Variants in CAMK4 observed in about 807,000 individuals in gnomAD.
The protein encoded by CAMK4 is calcium/calmodulin-dependent protein kinase type IV.
Under a neutral mutation model 44.9 loss-of-function variants are expected in CAMK4, and 22 were observed. The ratio of observed to expected loss-of-function variants is 0.49; its 90% CI spans 0.35 to 0.70. CAMK4 has a LOEUF of 0.70. Among genes scored for constraint, CAMK4 ranks in the 30% least tolerant of loss-of-function variants. The pLI is 0.01. For missense variants in CAMK4, 498 were observed against 586.8 expected, an observed-to-expected ratio of 0.85 and a Z score of 1.56; for synonymous variants, 218 against 215.4, an observed-to-expected ratio of 1.01 and a Z score of -0.11.
At chr5:111,325,286 A>C (rs892699212) in intron 1 of CAMK4, among the ~76,000 whole-genome samples, 1 of 151,944 alleles carries the variant, frequency 6.6e-6, no homozygotes, top group African/African-American at 2.4e-5. Flanking sequence ...GTTGGTTCCA[A>C]GTCTTTGCTG....
intron 5 of CAMK4, among the ~76,000 whole-genome samples, chr5:111,425,194 C>G (rs778023940): frequency 1.3e-4 from 19 of 151,720 alleles, no homozygotes; most frequent in Non-Finnish European, 1.8e-4. Flanking sequence ...TTTAACATCC[C>G]TGACGTGAGT....
intron 1 of CAMK4, among the ~76,000 whole-genome samples, chr5:111,297,727 G>A (rs6873223): frequency 1.1e-4 from 16 of 151,906 alleles, no homozygotes; most frequent in East Asian, 3.9e-4. Flanking sequence ...CATTTTTCCC[G>A]TTGTACCAAT....
intron 8 of CAMK4, among the ~76,000 whole-genome samples, chr5:111,474,891 A>G (rs536858965): frequency 3.9e-4 from 59 of 152,308 alleles, no homozygotes; most frequent in Non-Finnish European, 6.2e-4. Flanking sequence ...GGCCGGGCAC[A>G]GTGGCTCACA....
At chr5:111,372,427 A>G (rs566585801) in intron 2 of CAMK4, among the ~76,000 whole-genome samples, 2 of 152,304 alleles carry the variant, frequency 1.3e-5, no homozygotes, top group African/African-American at 4.8e-5. Flanking sequence ...TTGAGATTAG[A>G]TAGATGTTGA....
intron 9 of CAMK4, among the ~76,000 whole-genome samples, chr5:111,478,897 T>C (rs1389265442): frequency 6.6e-6 from 1 of 152,204 alleles, no homozygotes; most frequent in Non-Finnish European, 1.5e-5. Flanking sequence ...TCTTTGTTTT[T>C]GAGACAAGGT....
At chr5:111,463,924 C>A in intron 7 of CAMK4, among the ~76,000 whole-genome samples, 1 of 151,744 alleles carries the variant, frequency 6.6e-6, no homozygotes, top group Non-Finnish European at 1.5e-5. Context: ...GGTAATATGA[C>A]AAAAAAAGGT....
intron 2 of CAMK4, among the ~76,000 whole-genome samples, chr5:111,347,324 A>C (rs923228383): frequency 6.6e-6 from 1 of 152,010 alleles, no homozygotes; most frequent in Non-Finnish European, 1.5e-5. Flanking sequence ...GGTGAGGGTC[A>C]AGGTTTCTGA....
chr5:111,397,749 ACTGTTGT>A (rs1752075605), intron 5 of CAMK4, among the ~76,000 whole-genome samples: 1 of 150,694 alleles, frequency 6.6e-6, no homozygotes, highest in Non-Finnish European at 1.5e-5. Context: ...TCTATCACAT[ACTGTTGT>A]CTAACAGATT....
intron 9 of CAMK4, among the ~76,000 whole-genome samples, chr5:111,480,249 AACACACACACACACAC>A (rs532395570): frequency 2.5e-5 from 3 of 121,186 alleles, no homozygotes; most frequent in South Asian, 2.8e-4. Flanking sequence ...TAGGCATGTA[AACACACACACACACAC>A]ACACACACAC....
intron 4 of CAMK4, among the ~76,000 whole-genome samples, chr5:111,385,348 G>T (rs905065732): frequency 3.3e-5 from 5 of 152,032 alleles, no homozygotes; most frequent in Non-Finnish European, 5.9e-5. Context: ...CTTTTGAGCT[G>T]ACTCTTATGT....
At chr5:111,287,323 A>C (rs1751278406) in intron 1 of CAMK4, among the ~76,000 whole-genome samples, 1 of 152,144 alleles carries the variant, frequency 6.6e-6, no homozygotes, top group Admixed American at 6.5e-5. Context: ...GTTCCAGAGA[A>C]AGTTAATAAT....
intron 5 of CAMK4, among the ~76,000 whole-genome samples, chr5:111,435,293 G>A (rs975161209): frequency 6.6e-6 from 1 of 151,974 alleles, no homozygotes; most frequent in Non-Finnish European, 1.5e-5. Flanking sequence ...TTCACTCTTT[G>A]TCATGTTTGA....
intron 9 of CAMK4, among the ~76,000 whole-genome samples, chr5:111,479,394 A>G (rs202172623): frequency 1.7e-5 from 1 of 58,812 alleles, no homozygotes; most frequent in African/African-American, 3.9e-5. Context: ...CCTTCTGGGG[A>G]GGTCACTCAC....
chr5:111,251,481 A>G (rs1052212779), intron 1 of CAMK4, among the ~76,000 whole-genome samples: 1 of 152,222 alleles, frequency 6.6e-6, no homozygotes, highest in African/African-American at 2.4e-5. Context: ...CTTCCTAACA[A>G]GACATGTCCA....
At chr5:111,442,778 A>T (rs923569420) in intron 5 of CAMK4, among the ~76,000 whole-genome samples, 2 of 148,304 alleles carry the variant, frequency 1.3e-5, no homozygotes, top group African/African-American at 2.4e-5. Context: ...TAAATATTAT[A>T]TATCTTATTA....
intron 5 of CAMK4, among the ~76,000 whole-genome samples, chr5:111,425,299 G>A (rs1753185901): frequency 6.6e-6 from 1 of 151,600 alleles, no homozygotes; most frequent in African/African-American, 2.4e-5. Flanking sequence ...TTGCACATTT[G>A]TGCCAGTTTT....
chr5:111,280,575 A>T (rs1323102025), intron 1 of CAMK4, among the ~76,000 whole-genome samples: 1 of 152,200 alleles, frequency 6.6e-6, no homozygotes, highest in Non-Finnish European at 1.5e-5. Flanking sequence ...CAAAATTCTA[A>T]ATACAGTTGT....
intron 7 of CAMK4, chr5:111,449,929 A>T (rs935147191): frequency 1.3e-5 from 2 of 152,278 alleles, no homozygotes; most frequent in African/African-American, 4.8e-5. Context: ...AATATGTCAC[A>T]GATCAATTAA....
At chr5:111,247,397 A>T (rs533695471) in intron 1 of CAMK4, among the ~76,000 whole-genome samples, 179 of 147,622 alleles carry the variant, frequency 1.2e-3, no homozygotes, top group African/African-American at 4.1e-3. Flanking sequence ...CTTATTTTAT[A>T]TTTATATATA....
Sources: allele counts gnomAD v4.1 joint callset (sites outside exome capture counted in the v4.1 genomes callset), GRCh38; gene constraint gnomAD v4.1.1; transcripts MANE v1.5; gene names NCBI Gene and HGNC (gene_info 2026-07-23, HGNC 2026-07-21).